The following RNF213 variants were observed in gnomAD, a reference collection of about 807,000 sequenced individuals.
RNF213 encodes ring finger protein 213.
A neutral mutation model predicts 514.4 loss-of-function variants in RNF213; 341 were observed. The observed-to-expected ratio is 0.66, with a 90% confidence interval of 0.61 to 0.73. The LOEUF (loss-of-function observed/expected upper bound fraction) is 0.73, where lower values mean the gene tolerates loss of function less well. RNF213 is among the 30% of genes least tolerant of loss of function. RNF213 has a pLI of 0.00. For synonymous variants in RNF213, 2,655 were observed against 2,658.2 expected (o/e 1.00, Z 0.04); for missense variants, 5,767 against 6,615.6 (o/e 0.87, Z 4.45).
At chr17:80,316,931 C>T (rs1251531695) in intron 15 of RNF213, among the ~76,000 whole-genome samples, 1 of 152,182 alleles carries the variant, frequency 6.6e-6, no homozygotes, top group Non-Finnish European at 1.5e-5. Context: ...TAAGTCCTTT[C>T]AGAATAAAAA....
chr17:80,310,041 C>A (rs1002911428), intron 14 of RNF213, among the ~76,000 whole-genome samples: 2 of 151,940 alleles, frequency 1.3e-5, no homozygotes, highest in Middle Eastern at 3.2e-3. Flanking sequence ...GCTTAAACCA[C>A]CACGCCCAGC....
intron 12 of RNF213, among the ~76,000 whole-genome samples, 199 bp downstream of exon 12, chr17:80,306,667 CA>C (rs1434246230): frequency 6.6e-6 from 1 of 151,996 alleles, no homozygotes; most frequent in East Asian, 1.9e-4. Context: ...CTGGCTAACA[CA>C]GTGAAACCCC....
intron 31 of RNF213, among the ~76,000 whole-genome samples, chr17:80,351,316 G>A (rs1226427241): frequency 6.6e-5 from 10 of 152,188 alleles, no homozygotes; most frequent in Non-Finnish European, 1.2e-4. Flanking sequence ...GACCCCCATC[G>A]CTTAAGAGAA....
chr17:80,315,778 G>GAGGTGGTGGAGGTAATGGAGGTGA (rs2045910253), intron 15 of RNF213: 3 of 40,382 alleles, frequency 7.4e-5, no homozygotes, highest in East Asian at 8.1e-4. Flanking sequence ...GCTGGTGGTG[G>GAGGTGGTGGAGGTAATGGAGGTGA]TGGTGGTGGT....
At chr17:80,381,859 A>AG in intron 57 of RNF213, 132 bp downstream of exon 57, 1 of 886,108 alleles carries the variant, frequency 1.1e-6, no homozygotes, top group South Asian at 1.5e-5. Flanking sequence ...AAAGAATGAG[A>AG]GAACACACAG....
chr17:80,307,631 C>A (rs765505418), intron 13 of RNF213, among the ~76,000 whole-genome samples: 6 of 151,008 alleles, frequency 4.0e-5, no homozygotes, highest in Non-Finnish European at 7.4e-5. Context: ...CTCACTGCAA[C>A]CTCTGCTTCC....
Position 80,320,007 on chromosome 17 carries a change from T to A in RNF213, c.3024+695T>A, listed in dbSNP as rs976660431. The A allele has an allele frequency of 2.9e-6, 3 of 1,028,106 alleles. No homozygotes were observed. In the African/African-American group the frequency reaches 5.1e-5, roughly 18 times the overall value. 63.7% of individuals were successfully genotyped at this position (1,028,106 alleles called of 1,614,324 possible). A position where few individuals can be genotyped will look rare whatever the true frequency, so the allele number is the denominator to read the frequency against. ...TTTGATAAGGTTTTCCTTTCCCTTT[T>A]TCGTTAACTCTTTGTTGAGATATTG... On this transcript the variant is annotated intron_variant, in intron 17 of 67. Coordinates refer to ENST00000582970, the MANE Select transcript of RNF213 (RefSeq NM_001256071.3).
chr17:80,293,178 C>CT (rs1223045684), intron 8 of RNF213, among the ~76,000 whole-genome samples: 2 of 152,072 alleles, frequency 1.3e-5, no homozygotes, highest in Non-Finnish European at 2.9e-5. Context: ...CCCCTCAGCC[C>CT]CCCCAAGTAG....
Position 80,372,605 on chromosome 17 carries a change from T to C in RNF213, c.12622T>C (p.Tyr4208His). The C allele has an allele frequency of 6.2e-7, 1 of 1,613,986 alleles. No individual in the cohort carries two copies. The highest frequency in any genetic ancestry group is 8.5e-7 in the Non-Finnish European group (1 of 1,179,978). ...LEEEGRFLKA[Y>H]SPASRGREPA... ...AGAGGAAGGTCGTTTCCTTAAGGCA[T>C]ATTCTCCAGCAAGCCGGGGCCGAGA... is the stretch of plus-strand genomic sequence containing the variant. The change falls in exon 48 of 68, where the codon TAT becomes CAT. Residue 4208 changes from tyrosine to histidine, a missense_variant. Tyr to His is a moderately conservative substitution (Grantham distance 83, BLOSUM62 2). Transcript: ENST00000582970.
chr17:80,272,504 A>G (rs2145139723), intron 2 of RNF213, among the ~76,000 whole-genome samples: 1 of 152,238 alleles, frequency 6.6e-6, no homozygotes, highest in East Asian at 1.9e-4. Context: ...GTGCTAATCC[A>G]TTCCCGAGGG....
chr17:80,385,194 C>A, intron 60 of RNF213, 23 bp downstream of exon 60: 1 of 1,614,026 alleles, frequency 6.2e-7, no homozygotes, highest in Non-Finnish European at 8.5e-7. Context: ...TCTGACAGGA[C>A]CAGGACTGTC....
rs62076525 is a variant in RNF213 at position 80,355,412 on chromosome 17, C to T, written c.10862+836C>T. 0.059 allele frequency: 4,714 copies of T among 79,528 alleles called. 400 individuals carry two copies. Among genetic ancestry groups the T allele is most frequent in the African/African-American group, 0.091 (802 of 8,822 alleles). 4.9% of individuals were successfully genotyped at this position (79,528 alleles called of 1,614,324 possible). A position where few individuals can be genotyped will look rare whatever the true frequency, so the allele number is the denominator to read the frequency against. ...AGCGGGGTGAATGGGAATGGGGGCTCACGGAGGAAGAAGCGGGGTGGATGG... is the reference window on the plus strand; with the variant it reads ...AGCGGGGTGAATGGGAATGGGGGCTTACGGAGGAAGAAGCGGGGTGGATGG... On this transcript the variant is annotated intron_variant, in intron 36 of 67. Coordinates refer to ENST00000582970, the MANE Select transcript of RNF213 (RefSeq NM_001256071.3).
intron 16 of RNF213, among the ~76,000 whole-genome samples, chr17:80,318,918 A>C (rs2046042518): frequency 6.6e-6 from 1 of 152,208 alleles, no homozygotes; most frequent in Non-Finnish European, 1.5e-5. Flanking sequence ...AGTCAGAAAC[A>C]AGGAAAAATG....
In RNF213 at chr17:80,344,947, C is replaced by G. The variant is rs1218390934; in HGVS notation, c.6612C>G (p.His2204Gln). 1 of 1,614,158 alleles carries G rather than the reference C, an allele frequency of 6.2e-7. No individual in the cohort carries two copies. The highest frequency in any genetic ancestry group is 1.7e-5 in the Admixed American group (1 of 60,014). ...AATGCCTCCAGCATTTCCTGTTTCA[C>G]TGCGGGGTAATAAACCCATCCTGGT... Reference protein sequence around the residue: ...PEECLQHFLFHCGVINPSWSE... With the variant: ...PEECLQHFLFQCGVINPSWSE... Residue 2204 changes from histidine (H) to glutamine (Q), a missense_variant, in exon 29 of 68, where the codon CAC becomes CAG. Physicochemically the swap from His to Gln is conservative, Grantham distance 24. Around this residue, in one of 13 missense-constraint regions of RNF213, gnomAD observed 1,377 missense variants for 1,635.2 expected, o/e 0.84. Transcript: ENST00000582970.
At chr17:80,336,694 A>G in intron 23 of RNF213, 1 of 364,860 alleles carries the variant, frequency 2.7e-6, no homozygotes, top group Non-Finnish European at 5.3e-6. Flanking sequence ...TTATTCTGTT[A>G]CTTTTTGTTA....
chr17:80,395,301 G>A lies in RNF213; in HGVS notation c.*1803G>A, dbSNP rs2080632560. On this transcript the variant is annotated 3_prime_UTR_variant, in exon 68 of 68. Coordinates refer to ENST00000582970, the MANE Select transcript of RNF213 (RefSeq NM_001256071.3). The stretch of plus-strand genomic sequence containing the variant: ...ACCTGTCTTAATAAACTGGAGTTTT[G>A]CTGCTAAAGAACTCTTCTCTCTGGG... The A allele has an allele frequency of 6.6e-6, 1 of 151,578 alleles. No homozygotes were observed. Among genetic ancestry groups the A allele is most frequent in the African/African-American group, 2.4e-5 (1 of 41,234 alleles). The allele number at this position is 151,578 out of a possible 1,614,324, so 9.4% of individuals were successfully genotyped here.
rs1568100001 is a variant in RNF213 at position 80,343,996 on chromosome 17, CGAG to C, written c.6327_6329del (p.Arg2109del). ...CTGGAAAGGAGGACGTCAGTGCCGT[CGAG>C]GAGCTCTTCAGCGCTGGTCTGTACT... On this transcript the variant is annotated inframe_deletion, in exon 28 of 68. Coordinates refer to ENST00000582970, the MANE Select transcript of RNF213 (RefSeq NM_001256071.3). The surrounding 1 kb of genome is among the most constrained non-coding windows in gnomAD (Gnocchi z 4.3). 1.9e-6 allele frequency: 3 copies of C among 1,614,180 alleles called. No homozygotes were observed. The highest frequency in any genetic ancestry group is 2.5e-6 in the Non-Finnish European group (3 of 1,180,042).
At chr17:80,379,817 C>G in intron 55 of RNF213, 103 bp downstream of exon 55, 1 of 924,996 alleles carries the variant, frequency 1.1e-6, no homozygotes, top group Non-Finnish European at 1.8e-6. Context: ...ACTAATTACT[C>G]CAGTACATGT....
At chr17:80,311,108 G>T (rs1409874519) in intron 14 of RNF213, among the ~76,000 whole-genome samples, 1 of 152,106 alleles carries the variant, frequency 6.6e-6, no homozygotes, top group East Asian at 1.9e-4. Context: ...ATTTTCTACA[G>T]AAATAACTAT....
Sources: gnomAD v4.1 joint callset for allele counts (sites outside exome capture counted in the v4.1 genomes callset) on GRCh38, gnomAD v4.1.1 for gene constraint, gnomAD v4.1.1 regional missense constraint, Gnocchi (gnomAD v3.1) non-coding constraint, MANE v1.5 for transcripts, NCBI Gene and HGNC (gene_info 2026-07-23, HGNC 2026-07-21) for gene names.